The following ZSCAN1 variants were observed in gnomAD, a reference collection of about 807,000 sequenced individuals.
The protein encoded by ZSCAN1 is zinc finger and SCAN domain containing 1, also known as zinc finger and SCAN domain-containing protein 1.
ZSCAN1 carries 23 observed loss-of-function variants against 23.8 expected under a neutral mutation model. That is an observed-to-expected ratio of 0.97 (90% CI 0.70 to 1.37). The LOEUF is 1.37. Among genes scored for constraint, ZSCAN1 ranks in the 40% most tolerant of loss-of-function variants. ZSCAN1 has a pLI of 0.00. For missense variants in ZSCAN1, 575 were observed against 554.0 expected (o/e 1.04, Z -0.38); for synonymous variants, 236 against 232.3 (o/e 1.02, Z -0.15).
chr19:58,055,433 C>T (rs913065008), downstream of ZSCAN1, among the ~76,000 whole-genome samples: 62 of 152,342 alleles, frequency 4.1e-4, no homozygotes, highest in African/African-American at 9.6e-4. Context: ...CCCAGCTTTT[C>T]CCTGCAGTCC....
chr19:58,040,377 TC>T lies in ZSCAN1; in HGVS notation c.371-69del. 1.3e-6 allele frequency: 2 copies of T among 1,534,586 alleles called. No individual in the cohort carries two copies. The highest frequency in any genetic ancestry group is 1.8e-6 in the Non-Finnish European group (2 of 1,112,646). ...AGGGATGTTCGGGGAAAGTCTGCCC[TC>T]CCCAGAAGGCCTGGAGAATTGGGGG... On this transcript the variant is annotated intron_variant, in intron 3 of 5. Transcript: ENST00000282326. The surrounding 1 kb of genome is among the most constrained non-coding windows in gnomAD (Gnocchi z 5.8).
Position 58,053,116 on chromosome 19 carries a change from C to T in ZSCAN1, c.605-313C>T, listed in dbSNP as rs1297378893. On this transcript the variant is annotated intron_variant, in intron 5 of 5. Coordinates refer to ENST00000282326, the MANE Select transcript of ZSCAN1 (RefSeq NM_182572.4). This position sits in a 1 kb window ranked among gnomAD's most constrained non-coding sequence, Gnocchi z 5.8. ...CTGGGATTACAGGCGCACACCACCA[C>T]GCCCAGCTAATTTTTGTATTTTAGT... Among the ~76,000 whole-genome samples the T allele has an allele frequency of 3.9e-5, 6 of 152,060 alleles. No homozygotes were observed. Among genetic ancestry groups the T allele is most frequent in the South Asian group, 2.1e-4 (1 of 4,824 alleles).
chr19:58,046,940 G>C (rs183926421), intron 4 of ZSCAN1, among the ~76,000 whole-genome samples: 94 of 152,326 alleles, frequency 6.2e-4, no homozygotes, highest in African/African-American at 2.0e-3. Flanking sequence ...GCTTCAATCT[G>C]TCTGGAGTCC....
chr19:58,054,223 G>A lies in ZSCAN1; in HGVS notation c.*172G>A. The A allele has an allele frequency of 1.2e-6, 1 of 868,584 alleles. No individual in the cohort carries two copies. The highest frequency in any genetic ancestry group is 1.7e-6 in the Non-Finnish European group (1 of 597,716). 53.8% of individuals were successfully genotyped at this position (868,584 alleles called of 1,614,324 possible). A position where few individuals can be genotyped will look rare whatever the true frequency, so the allele number is the denominator to read the frequency against. ...CCCTGGACACCTGCTCCGAAGCCAA[G>A]CACGGGATGGGGCTTCCCAGGGTCT... On this transcript the variant is annotated 3_prime_UTR_variant, in exon 6 of 6. Transcript: ENST00000282326. This position sits in a 1 kb window ranked among gnomAD's most constrained non-coding sequence, Gnocchi z 4.2.
At chr19:58,044,896 C>G (rs764686904) in intron 4 of ZSCAN1, 189 of 817,860 alleles carry the variant, frequency 2.3e-4, no homozygotes, top group Non-Finnish European at 3.9e-4. Context: ...TCGGTGCCTT[C>G]CTGCCCGCGG....
At chr19:58,035,752 C>T (rs2073730307) in intron 1 of ZSCAN1, among the ~76,000 whole-genome samples, 1 of 152,194 alleles carries the variant, frequency 6.6e-6, no homozygotes, top group Non-Finnish European at 1.5e-5. Flanking sequence ...GGCACAGTCC[C>T]CGTGAGTTGC....
rs576789932 is a variant in ZSCAN1 at position 58,047,270 on chromosome 19, T to A, written c.466-5220T>A. Among the ~76,000 whole-genome samples, 1 of 152,366 alleles carries A rather than the reference T, an allele frequency of 6.6e-6. No homozygotes were observed. Among genetic ancestry groups the A allele is most frequent in the South Asian group, 2.1e-4 (1 of 4,834 alleles). ...GCATCAATAGACCTGTCTTCCTGCA[T>A]GCTTTTAGTTGGATCTGGGTCACTG... On this transcript the variant is annotated intron_variant, in intron 4 of 5. Transcript: ENST00000282326. The surrounding 1 kb of genome is among the most constrained non-coding windows in gnomAD (Gnocchi z 4.9).
rs762082245 is a variant in ZSCAN1 at position 58,053,806 on chromosome 19, G to T, written c.982G>T (p.Val328Phe). The T allele has an allele frequency of 6.2e-7, 1 of 1,614,138 alleles. No individual in the cohort carries two copies. The highest frequency in any genetic ancestry group is 1.7e-5 in the Admixed American group (1 of 60,034). The change falls in exon 6 of 6, where the codon GTC becomes TTC. Residue 328 changes from valine (V) to phenylalanine (F), a missense_variant. Transcript: ENST00000282326. The surrounding 1 kb of genome is among the most constrained non-coding windows in gnomAD (Gnocchi z 5.8). Reference sequence around the variant, plus strand: ...CTTTCCGTGCCCCGAGTGTGGCAAGGTCTTCCTGCACAACTCCGTCCTCAC... The same window carrying T: ...CTTTCCGTGCCCCGAGTGTGGCAAGTTCTTCCTGCACAACTCCGTCCTCAC... ...GPFPCPECGK[V>F]FLHNSVLTEH...
At chr19:58,046,263 G>A in intron 4 of ZSCAN1, 1 of 779,872 alleles carries the variant, frequency 1.3e-6, no homozygotes, top group South Asian at 1.3e-5. Context: ...GGAAGAAGGA[G>A]GAGCTGGAGC....
intron 4 of ZSCAN1, among the ~76,000 whole-genome samples, chr19:58,048,823 T>A (rs1484106748): frequency 6.6e-6 from 1 of 152,158 alleles, no homozygotes; most frequent in African/African-American, 2.4e-5. Flanking sequence ...AGCACAGTTA[T>A]AGCTCACTGC....
intron 4 of ZSCAN1, among the ~76,000 whole-genome samples, chr19:58,051,089 GC>G (rs975813725): frequency 6.6e-5 from 10 of 152,112 alleles, no homozygotes; most frequent in African/African-American, 2.4e-4. Context: ...CTCCTCTGAT[GC>G]CCCCTGAGAG....
rs2073779952 is a variant in ZSCAN1, at chr19:58,040,489, GT to G, written c.413del (p.Phe138SerfsTer22). On this transcript the variant is annotated frameshift_variant, in exon 4 of 6. Transcript: ENST00000282326. LOFTEE classifies it high-confidence loss of function. This position sits in a 1 kb window ranked among gnomAD's most constrained non-coding sequence, Gnocchi z 5.8. The stretch of plus-strand genomic sequence containing the variant: ...GACTCGGTCGAACCCCAGGACTGGA[GT>G]TTCGGTGAGGAGGAAGATGGGAAGA... ...SLDSVEPQDW[S>X]FGEEEDGKSP... The G allele has an allele frequency of 6.2e-7, 1 of 1,613,550 alleles. No individual in the cohort carries two copies.
chr19:58,055,466 T>G (rs1168484847), downstream of ZSCAN1, among the ~76,000 whole-genome samples: 1 of 152,178 alleles, frequency 6.6e-6, no homozygotes, highest in Non-Finnish European at 1.5e-5. Context: ...CCTGGCTCTA[T>G]CCTATGCCTT....
intron 3 of ZSCAN1, among the ~76,000 whole-genome samples, chr19:58,039,484 T>G (rs566850328): frequency 6.6e-6 from 1 of 152,108 alleles, no homozygotes; most frequent in Non-Finnish European, 1.5e-5. Context: ...CACCCACCCT[T>G]ATCAAAGCCC....
intron 1 of ZSCAN1, 25 bp from the exon 2 acceptor site, chr19:58,035,943 TTG>T (rs869207628): frequency 2.9e-4 from 5 of 17,008 alleles, no homozygotes; most frequent in African/African-American, 8.4e-4. Flanking sequence ...ATGTCTTGTT[TTG>T]TTTTGTTTTT....
At chr19:58,037,006 C>T (rs1289449720) in intron 2 of ZSCAN1, among the ~76,000 whole-genome samples, 1 of 152,114 alleles carries the variant, frequency 6.6e-6, no homozygotes, top group Non-Finnish European at 1.5e-5. Context: ...TTTAAAATTA[C>T]TCTTCCCACT....
intron 4 of ZSCAN1, among the ~76,000 whole-genome samples, chr19:58,048,778 G>A (rs965863459): frequency 6.6e-6 from 1 of 151,652 alleles, no homozygotes; most frequent in Non-Finnish European, 1.5e-5. Flanking sequence ...TTTTTGAGAC[G>A]GGGTCTCACT....
At position 58,045,063 on chromosome 19, in the gene ZSCAN1, G is replaced by T. The variant is rs1404382834; in HGVS notation, c.465+4519G>T. 1 of 1,134,498 alleles carries T rather than the reference G, an allele frequency of 8.8e-7. No homozygotes were observed. The highest frequency in any genetic ancestry group is 1.7e-5 in the Admixed American group (1 of 58,408). The allele number at this position is 1,134,498 out of a possible 1,614,324, so 70.3% of individuals were successfully genotyped here. On this transcript the variant is annotated intron_variant, in intron 4 of 5. Transcript: ENST00000282326. This position sits in a 1 kb window ranked among gnomAD's most constrained non-coding sequence, Gnocchi z 4.3. ...CCCGGGGGCAGAGAGGGTGCTGGGC[G>T]AGCTGAGGCACTACTACCATGGCTT... is the stretch of plus-strand genomic sequence containing the variant.
chr19:58,055,865 T>C (rs927243210), downstream of ZSCAN1, among the ~76,000 whole-genome samples: 2 of 147,182 alleles, frequency 1.4e-5, no homozygotes, highest in Admixed American at 6.7e-5. Context: ...ATCCATCTGG[T>C]GTCCCTCAGT....
Sources: allele counts gnomAD v4.1 joint callset (sites outside exome capture counted in the v4.1 genomes callset), GRCh38; gene constraint gnomAD v4.1.1; non-coding constraint Gnocchi (gnomAD v3.1); transcripts MANE v1.5; gene names NCBI Gene and HGNC (gene_info 2026-07-23, HGNC 2026-07-21).